Variants in FHL5 observed in about 807,000 individuals in gnomAD.
FHL5 encodes four and a half LIM domains 5.
FHL5 carries 33 observed loss-of-function variants against 32.0 expected under a neutral mutation model. That is an observed-to-expected ratio of 1.03 (90% CI 0.78 to 1.38). The LOEUF is 1.38. Ranked by LOEUF, FHL5 falls within the 40% of genes most tolerant of loss-of-function variation. The pLI is 0.00. For synonymous variants in FHL5, 114 were observed against 113.6 expected (o/e 1.00, Z -0.02); for missense variants, 336 against 343.9 (o/e 0.98, Z 0.18).
At position 96,618,056 on chromosome 6, in the gene FHL5, C is replaced by T. The variant is rs79378185; in HGVS notation, c.*2284C>T. 6.6e-4 allele frequency among the ~76,000 whole-genome samples: 101 copies of T among 152,264 alleles called. No individual in the cohort carries two copies. Among genetic ancestry groups the T allele is most frequent in the African/African-American group, 2.4e-3 (98 of 41,554 alleles). ...AAGTGCCTGATGCAAAGATCCTTGC[C>T]TGCAGGTTAAACAAAGCACCACATA... On this transcript the variant is annotated 3_prime_UTR_variant, in exon 6 of 6. Coordinates refer to ENST00000450218, the MANE Select transcript of FHL5 (RefSeq NM_001322466.2).
rs964535174 is a variant in FHL5 at position 96,616,704 on chromosome 6, C to T, written c.*932C>T. 3 of 152,062 alleles carry T rather than the reference C, an allele frequency of 2.0e-5. No homozygotes were observed. The highest frequency in any genetic ancestry group is 4.8e-5 in the African/African-American group (2 of 41,388). 9.4% of individuals were successfully genotyped at this position (152,062 alleles called of 1,614,324 possible). A position where few individuals can be genotyped will look rare whatever the true frequency, so the allele number is the denominator to read the frequency against. ...ACATGACTTTCATCCAGATATCTAA[C>T]GACATAATAGAATGCATAATTAGCT... On this transcript the variant is annotated 3_prime_UTR_variant, in exon 6 of 6. Transcript: ENST00000450218.
At chr6:96,578,517 C>G (rs994794331) in intron 1 of FHL5, among the ~76,000 whole-genome samples, 2 of 152,120 alleles carry the variant, frequency 1.3e-5, no homozygotes, top group Non-Finnish European at 2.9e-5. Context: ...TCATTGCAAA[C>G]TGGCAATCTA....
At chr6:96,613,267 C>T (rs976314831) in intron 5 of FHL5, among the ~76,000 whole-genome samples, 5 of 151,992 alleles carry the variant, frequency 3.3e-5, no homozygotes, top group Admixed American at 3.3e-4. Context: ...TTTTAAAAAG[C>T]TCTGAGAAAT....
Position 96,616,478 on chromosome 6 carries a change from C to T in FHL5, c.*706C>T, listed in dbSNP as rs1258553256. On this transcript the variant is annotated 3_prime_UTR_variant, in exon 6 of 6. Coordinates refer to ENST00000450218, the MANE Select transcript of FHL5 (RefSeq NM_001322466.2). ...CTAGGGATAGCCAAAGCATGGGTTT[C>T]AACACGTTTTGTATTAAATATATTT... 1 of 152,126 alleles carries T rather than the reference C, an allele frequency of 6.6e-6. No homozygotes were observed. Among genetic ancestry groups the T allele is most frequent in the Non-Finnish European group, 1.5e-5 (1 of 68,034 alleles). 9.4% of individuals were successfully genotyped at this position (152,126 alleles called of 1,614,324 possible).
chr6:96,596,951 C>T (rs1243809544), intron 1 of FHL5, among the ~76,000 whole-genome samples: 2 of 152,176 alleles, frequency 1.3e-5, no homozygotes, highest in African/African-American at 2.4e-5. Context: ...CTCCCAGATG[C>T]ATTCACTTTT....
intron 5 of FHL5, among the ~76,000 whole-genome samples, chr6:96,612,660 A>T (rs1243822634): frequency 6.6e-6 from 1 of 152,194 alleles, no homozygotes; most frequent in Non-Finnish European, 1.5e-5. Flanking sequence ...AAAGTAATCT[A>T]AATTTTACCC....
intron 5 of FHL5, among the ~76,000 whole-genome samples, chr6:96,611,168 T>A (rs562489754): frequency 6.6e-6 from 1 of 152,234 alleles, no homozygotes; most frequent in East Asian, 1.9e-4. Context: ...AAGCATCCTT[T>A]AGTTAGGAAG....
At chr6:96,604,242 ATTCTTTCTTTCT>A (rs371303898) in intron 2 of FHL5, among the ~76,000 whole-genome samples, 2 of 151,178 alleles carry the variant, frequency 1.3e-5, no homozygotes, top group Non-Finnish European at 3.0e-5. Flanking sequence ...CGACATGCTT[ATTCTTTCTTTCT>A]TTCTTTCTTT....
At chr6:96,577,773 T>C (rs1276489002) in intron 1 of FHL5, among the ~76,000 whole-genome samples, 1 of 152,124 alleles carries the variant, frequency 6.6e-6, no homozygotes, top group East Asian at 1.9e-4. Context: ...GTTTTCATCT[T>C]TTTCTATGTT....
At chr6:96,603,857 T>A in intron 2 of FHL5, 85 bp downstream of exon 2, 3 of 1,032,488 alleles carry the variant, frequency 2.9e-6, no homozygotes, top group Non-Finnish European at 4.3e-6. Context: ...TAGTGTTGAC[T>A]TTCAACACTA....
chr6:96,607,366 T>C (rs946240681), intron 4 of FHL5, among the ~76,000 whole-genome samples: 1 of 150,150 alleles, frequency 6.7e-6, no homozygotes, highest in East Asian at 1.9e-4. Context: ...GAAGTCACAC[T>C]ACCACTTTCT....
At chr6:96,575,950 A>G (rs1001040459) in intron 1 of FHL5, among the ~76,000 whole-genome samples, 5 of 152,224 alleles carry the variant, frequency 3.3e-5, no homozygotes, top group African/African-American at 1.2e-4. Flanking sequence ...AAAAAGAACT[A>G]GTTTTATATG....
intron 1 of FHL5, among the ~76,000 whole-genome samples, chr6:96,592,297 C>A (rs1430639909): frequency 6.6e-6 from 1 of 152,144 alleles, no homozygotes; most frequent in Non-Finnish European, 1.5e-5. Flanking sequence ...CAGGGATGTT[C>A]CTTGCTGAGA....
chr6:96,573,929 C>T (rs930175768), intron 1 of FHL5, among the ~76,000 whole-genome samples: 1 of 151,880 alleles, frequency 6.6e-6, no homozygotes, highest in Non-Finnish European at 1.5e-5. Context: ...TGATAGATTA[C>T]AGTATACAAT....
chr6:96,595,516 T>G (rs1234787411), intron 1 of FHL5, among the ~76,000 whole-genome samples: 2 of 151,940 alleles, frequency 1.3e-5, no homozygotes, highest in African/African-American at 4.8e-5. Context: ...TCTCCAACCT[T>G]TGCATATTTC....
intron 1 of FHL5, among the ~76,000 whole-genome samples, chr6:96,569,470 T>A (rs992510985): frequency 2.0e-5 from 3 of 152,244 alleles, no homozygotes; most frequent in East Asian, 3.9e-4. Flanking sequence ...GCAGTTTAAA[T>A]TAAATGTTTC....
rs1033244725 is a variant in FHL5, at chr6:96,618,174, A to T, written c.*2402A>T. 2.6e-5 allele frequency among the ~76,000 whole-genome samples: 4 copies of T among 152,260 alleles called. No individual in the cohort carries two copies. Among genetic ancestry groups the T allele is most frequent in the African/African-American group, 9.6e-5 (4 of 41,470 alleles). On this transcript the variant is annotated 3_prime_UTR_variant, in exon 6 of 6. Transcript: ENST00000450218. ...ACAAAGATAAATGTAAAAATTATAT[A>T]GTTGATTTATATGGTTTATGTAACA...
intron 1 of FHL5, among the ~76,000 whole-genome samples, chr6:96,591,836 C>G (rs1770924720): frequency 6.6e-6 from 1 of 151,998 alleles, no homozygotes. Flanking sequence ...AATTTTAAAG[C>G]TGGGCATCTG....
intron 4 of FHL5, among the ~76,000 whole-genome samples, chr6:96,609,511 T>A (rs17056769): frequency 0.016 from 2,467 of 152,324 alleles, 54 homozygotes; most frequent in African/African-American, 0.057. Context: ...ATTCATGGAT[T>A]AAATTGGTTT....
Sources: allele counts gnomAD v4.1 joint callset (sites outside exome capture counted in the v4.1 genomes callset), GRCh38; gene constraint gnomAD v4.1.1; transcripts MANE v1.5; gene names NCBI Gene and HGNC (gene_info 2026-07-23, HGNC 2026-07-21).